Variants in MTHFD1 observed in about 807,000 individuals in gnomAD.
MTHFD1 encodes methylenetetrahydrofolate dehydrogenase, cyclohydrolase and formyltetrahydrofolate synthetase 1.
A neutral mutation model predicts 110.3 loss-of-function variants in MTHFD1; 44 were observed. That is an observed-to-expected ratio of 0.40 (90% confidence interval 0.31 to 0.51). The LOEUF (loss-of-function observed/expected upper bound fraction) is 0.51. MTHFD1 is among the 20% of genes least tolerant of loss of function. The probability of loss-of-function intolerance (pLI) is 0.60; values close to 1 mark genes in which losing one functional copy is unlikely to be tolerated. For synonymous variants in MTHFD1, 402 were observed against 428.8 expected, an observed-to-expected ratio of 0.94 and a Z score of 0.77; for missense variants, 909 against 1,173.1, an observed-to-expected ratio of 0.77 and a Z score of 3.29.
At position 64,440,349 on chromosome 14, in the gene MTHFD1, G is replaced by A. The variant is rs984997598; in HGVS notation, c.1815+83G>A. 7.4e-6 allele frequency: 11 copies of A among 1,489,604 alleles called. No individual in the cohort carries two copies. In the Admixed American group the frequency reaches 1.6e-4, roughly 21 times the overall value. 92.3% of individuals were successfully genotyped at this position (1,489,604 alleles called of 1,614,324 possible). The stretch of plus-strand genomic sequence containing the variant: ...TTTCAGCAGTTATTAATAACAAAAT[G>A]TAATGCTGTACTTAAGACATTGCAA... On this transcript the variant is annotated intron_variant, in intron 18 of 27. Coordinates refer to ENST00000652337, the MANE Select transcript of MTHFD1 (RefSeq NM_005956.4).
chr14:64,426,254 C>T (rs1596544616), intron 11 of MTHFD1, 62 bp downstream of exon 11: 1 of 1,591,544 alleles, frequency 6.3e-7, no homozygotes, highest in East Asian at 2.2e-5. Flanking sequence ...TAAGGCGTTG[C>T]ATTTGCACTT....
intron 23 of MTHFD1, chr14:64,449,097 C>G (rs1392009388): frequency 8.3e-6 from 3 of 360,966 alleles, no homozygotes; most frequent in South Asian, 6.8e-5. Context: ...CCGCGCCCAG[C>G]CAGCAAAATT....
chr14:64,456,703 C>T (rs1229088435), intron 26 of MTHFD1, among the ~76,000 whole-genome samples: 1 of 152,174 alleles, frequency 6.6e-6, no homozygotes, highest in Non-Finnish European at 1.5e-5. Context: ...ACACCTAGCA[C>T]CTCCTTACCT....
At chr14:64,401,797 C>T (rs1175109404) in intron 2 of MTHFD1, among the ~76,000 whole-genome samples, 1 of 151,344 alleles carries the variant, frequency 6.6e-6, no homozygotes, top group Admixed American at 6.6e-5. Context: ...ACATAAATAA[C>T]ATTTTATGGA....
rs762606643 is a variant in MTHFD1 at position 64,419,974 on chromosome 14, T to A, written c.727+49T>A. 3.8e-5 allele frequency: 49 copies of A among 1,280,566 alleles called. No homozygotes were observed. In the Middle Eastern group the frequency reaches 1.8e-3, roughly 48 times the overall value. 79.3% of individuals were successfully genotyped at this position (1,280,566 alleles called of 1,614,324 possible). A position where few individuals can be genotyped will look rare whatever the true frequency, so the allele number is the denominator to read the frequency against. ...GTGGCTGCTGGTATTGAGGATGGTA[T>A]CTAGGTCATCAAAAGAAGCCTGAGA... On this transcript the variant is annotated intron_variant, in intron 8 of 27. Transcript: ENST00000652337.
At chr14:64,403,346 C>T (rs1035834153) in intron 2 of MTHFD1, among the ~76,000 whole-genome samples, 4 of 151,680 alleles carry the variant, frequency 2.6e-5, no homozygotes, top group Admixed American at 2.0e-4. Flanking sequence ...ATAATCTCAG[C>T]TCACTGCAAC....
chr14:64,435,718 A>G (rs763918402), intron 16 of MTHFD1, 47 bp downstream of exon 16: 5 of 1,054,364 alleles, frequency 4.7e-6, no homozygotes, highest in Non-Finnish European at 7.5e-6. Context: ...TATATTGCAC[A>G]CCCTACACCC....
At chr14:64,433,704 T>A (rs1040108287) in intron 15 of MTHFD1, among the ~76,000 whole-genome samples, 8 of 147,974 alleles carry the variant, frequency 5.4e-5, no homozygotes, top group Admixed American at 2.7e-4. Context: ...CATGAACCAC[T>A]GAGCTCAGCA....
intron 12 of MTHFD1, among the ~76,000 whole-genome samples, chr14:64,428,485 G>C (rs1383094838): frequency 1.3e-5 from 2 of 151,018 alleles, no homozygotes; most frequent in African/African-American, 4.9e-5. Flanking sequence ...TGCTTGGTGA[G>C]GGTATCACAT....
chr14:64,404,988 A>C (rs940347298), intron 2 of MTHFD1, among the ~76,000 whole-genome samples: 1 of 151,986 alleles, frequency 6.6e-6, no homozygotes, highest in Non-Finnish European at 1.5e-5. Flanking sequence ...CAAAGTGAAT[A>C]GTACTTAAAT....
At chr14:64,411,008 T>C (rs2077979103) in intron 2 of MTHFD1, 82 bp from the exon 3 acceptor site, 1 of 998,608 alleles carries the variant, frequency 1.0e-6, no homozygotes, top group Non-Finnish European at 1.6e-6. Flanking sequence ...ACATTTCTTT[T>C]ATTAAAACTA....
chr14:64,420,852 G>A (rs553452014), intron 8 of MTHFD1, among the ~76,000 whole-genome samples: 13 of 152,092 alleles, frequency 8.5e-5, no homozygotes, highest in South Asian at 2.1e-4. Flanking sequence ...CCTTCCCTGC[G>A]CATGCCTCGT....
At chr14:64,401,126 C>G (rs186153360) in intron 2 of MTHFD1, among the ~76,000 whole-genome samples, 1 of 151,834 alleles carries the variant, frequency 6.6e-6, no homozygotes, top group Non-Finnish European at 1.5e-5. Context: ...AGTAGGGCCC[C>G]TTTACAATCT....
At chr14:64,398,315 G>A (rs567595157) in intron 1 of MTHFD1, among the ~76,000 whole-genome samples, 1 of 152,288 alleles carries the variant, frequency 6.6e-6, no homozygotes, top group Admixed American at 6.5e-5. Context: ...GGAGGCCAAG[G>A]TGGGAGGATC....
rs767546560 is a variant in MTHFD1 at position 64,424,948 on chromosome 14, G to A, written c.855+17G>A. 6.2e-7 allele frequency: 1 copy of A among 1,614,034 alleles called. No homozygotes were observed. The highest frequency in any genetic ancestry group is 8.5e-7 in the Non-Finnish European group (1 of 1,179,980). The stretch of plus-strand genomic sequence containing the variant: ...CTCATGCAGGTAATTGTGAATAAAA[G>A]TTTCTATAAGAGTTCTGAAAAGCTG... On this transcript the variant is annotated intron_variant, in intron 9 of 27. Transcript: ENST00000652337.
intron 8 of MTHFD1, among the ~76,000 whole-genome samples, chr14:64,422,105 A>T (rs974002895): frequency 6.6e-6 from 1 of 152,088 alleles, no homozygotes; most frequent in Admixed American, 6.5e-5. Flanking sequence ...TTGATTCCTT[A>T]TGTAGACAAT....
chr14:64,437,485 C>T (rs1197495549), intron 16 of MTHFD1, among the ~76,000 whole-genome samples: 1 of 152,184 alleles, frequency 6.6e-6, no homozygotes, highest in Non-Finnish European at 1.5e-5. Context: ...TTTTCTCTTC[C>T]ACAACAATTC....
chr14:64,459,730 A>T (rs1160689768), intron 27 of MTHFD1, 29 bp from the exon 28 acceptor site: 1 of 1,518,402 alleles, frequency 6.6e-7, no homozygotes, highest in Non-Finnish European at 8.8e-7. Context: ...TGCTTAGAGA[A>T]AACATTTATT....
Position 64,406,532 on chromosome 14 carries a change from G to T in MTHFD1, c.127-4558G>T, listed in dbSNP as rs1365255743. On this transcript the variant is annotated intron_variant, in intron 2 of 27. Transcript: ENST00000652337. ...TTTTGAGACAGGGTCTCACTCTGTT[G>T]TCCAGGCTGGAGTGCAGGGGTGTGA... Among the ~76,000 whole-genome samples, 21 of 115,034 alleles carry T rather than the reference G, an allele frequency of 1.8e-4. No individual in the cohort carries two copies. The East Asian group carries it at 2.3e-3, about 13-fold the overall frequency. The allele number at this position is 115,034 out of a possible 152,430, so 75.5% of individuals were successfully genotyped here.
Sources: allele counts gnomAD v4.1 joint callset (sites outside exome capture counted in the v4.1 genomes callset), GRCh38; gene constraint gnomAD v4.1.1; transcripts MANE v1.5; gene names NCBI Gene and HGNC (gene_info 2026-07-23, HGNC 2026-07-21).